DTD1: variants seen among roughly 807,000 people sequenced by gnomAD.
DTD1 encodes the protein D-tyrosyl-tRNA deacylase 1 homolog.
DTD1 carries 13 observed loss-of-function variants against 25.6 expected under a neutral mutation model. That is an observed-to-expected ratio of 0.51 (90% confidence interval 0.33 to 0.81). The LOEUF is 0.81. DTD1 is among the 30% of genes least tolerant of loss of function. The pLI, the probability that DTD1 is intolerant of heterozygous loss-of-function variation, is 0.02. For synonymous variants in DTD1, 110 were observed against 103.6 expected (o/e 1.06, Z -0.37); for missense variants, 193 against 266.4 (o/e 0.72, Z 1.92).
Position 18,763,503 on chromosome 20 carries a change from A to C in DTD1, c.*163A>C, listed in dbSNP as rs2061370645. On this transcript the variant is annotated 3_prime_UTR_variant, in exon 6 of 6. Transcript: ENST00000377452. ...TGAATAGCTCTGCAAAAAACACCAA[A>C]GGACCGTTTTATCGTTTTCTGTTGT... The C allele has an allele frequency of 1.3e-5, 2 of 152,718 alleles. No individual in the cohort carries two copies. The highest frequency in any genetic ancestry group is 6.5e-5 in the Admixed American group (1 of 15,284). The allele number at this position is 152,718 out of a possible 1,614,324, so 9.5% of individuals were successfully genotyped here. A position where few individuals can be genotyped will look rare whatever the true frequency, so the allele number is the denominator to read the frequency against.
chr20:18,712,011 G>T (rs182408284), intron 4 of DTD1, among the ~76,000 whole-genome samples: 208 of 151,852 alleles, frequency 1.4e-3, no homozygotes, highest in Admixed American at 5.3e-3. Flanking sequence ...GGAAGTGGTT[G>T]CAGTGAGCCA....
chr20:18,755,934 C>T (rs764388389), intron 5 of DTD1, among the ~76,000 whole-genome samples: 4 of 152,104 alleles, frequency 2.6e-5, no homozygotes, highest in Non-Finnish European at 4.4e-5. Context: ...CAGCCCCTGT[C>T]GTTTCCTGAC....
At position 18,700,354 on chromosome 20, in the gene DTD1, C is replaced by T. The variant is rs374522478; in HGVS notation, c.478-43746C>T. 9.5e-4 allele frequency among the ~76,000 whole-genome samples: 145 copies of T among 152,304 alleles called. 1 individual carries two copies. The highest frequency in any genetic ancestry group is 5.6e-3 in the East Asian group (29 of 5,194). Reference sequence around the variant, plus strand: ...TAGTGGCTCATCATTTGACTGTCTTCAGTAGCCTCTGTTGATGTTTTTAAA... The same window carrying T: ...TAGTGGCTCATCATTTGACTGTCTTTAGTAGCCTCTGTTGATGTTTTTAAA... On this transcript the variant is annotated intron_variant, in intron 4 of 5. Coordinates refer to ENST00000377452, the MANE Select transcript of DTD1 (RefSeq NM_080820.6).
At position 18,707,114 on chromosome 20, in the gene DTD1, C is replaced by T. The variant is rs578241256; in HGVS notation, c.478-36986C>T. 1.0e-3 allele frequency among the ~76,000 whole-genome samples: 159 copies of T among 152,340 alleles called. 1 individual carries two copies. The highest frequency in any genetic ancestry group is 3.4e-3 in the African/African-American group (142 of 41,574). ...CACTTTTCACCTGGATGTTCATCAC[C>T]TGTAAGCAGTTAACGTCTTTATAGT... On this transcript the variant is annotated intron_variant, in intron 4 of 5. Coordinates refer to ENST00000377452, the MANE Select transcript of DTD1 (RefSeq NM_080820.6).
intron 4 of DTD1, among the ~76,000 whole-genome samples, chr20:18,737,528 C>A (rs966363068): frequency 2.0e-4 from 30 of 152,212 alleles, no homozygotes; most frequent in Admixed American, 1.0e-3. Context: ...CTTCCCCTGC[C>A]TTGGGCTGCC....
intron 4 of DTD1, among the ~76,000 whole-genome samples, chr20:18,696,093 A>G (rs925243413): frequency 9.9e-5 from 15 of 152,220 alleles, no homozygotes; most frequent in African/African-American, 3.4e-4. Flanking sequence ...CTATTTGACC[A>G]TATTTTAATG....
chr20:18,711,389 C>T (rs923941259), intron 4 of DTD1, among the ~76,000 whole-genome samples: 2 of 152,216 alleles, frequency 1.3e-5, no homozygotes, highest in African/African-American at 2.4e-5. Flanking sequence ...CCCTCTCATA[C>T]TGTGACCTGT....
At chr20:18,758,597 A>T (rs2061348464) in intron 5 of DTD1, among the ~76,000 whole-genome samples, 1 of 152,190 alleles carries the variant, frequency 6.6e-6, no homozygotes, top group Non-Finnish European at 1.5e-5. Context: ...TGAGTTTCTG[A>T]ATCCTGAGTT....
At chr20:18,748,638 G>A (rs2061309936) in intron 5 of DTD1, among the ~76,000 whole-genome samples, 1 of 152,166 alleles carries the variant, frequency 6.6e-6, no homozygotes, top group South Asian at 2.1e-4. Context: ...GCTCATAGAA[G>A]GAGAACTGAG....
At chr20:18,611,861 G>C (rs1341739537) in intron 3 of DTD1, among the ~76,000 whole-genome samples, 1 of 151,856 alleles carries the variant, frequency 6.6e-6, no homozygotes, top group African/African-American at 2.4e-5. Context: ...TATTATTATT[G>C]TTATTATTTT....
intron 3 of DTD1, among the ~76,000 whole-genome samples, chr20:18,623,874 CTGTGTGTGTG>C (rs55984974): frequency 1.9e-4 from 28 of 143,624 alleles, no homozygotes; most frequent in Non-Finnish European, 3.7e-4. Context: ...ACAAGAAGAA[CTGTGTGTGTG>C]TGTGTGTGTG....
chr20:18,670,817 A>G (rs942440591), intron 4 of DTD1, among the ~76,000 whole-genome samples: 1 of 152,254 alleles, frequency 6.6e-6, no homozygotes, highest in African/African-American at 2.4e-5. Context: ...CTGTACATCC[A>G]GACAGTGAAA....
At position 18,691,448 on chromosome 20, in the gene DTD1, A is replaced by G. The variant is rs538206692; in HGVS notation, c.478-52652A>G. 9.8e-5 allele frequency among the ~76,000 whole-genome samples: 15 copies of G among 152,370 alleles called. No homozygotes were observed. The East Asian group carries it at 2.3e-3, about 23-fold the overall frequency. Reference sequence around the variant, plus strand: ...GCTCTGTAGCCATAAAAAGAACAAAATCATGTCCTTTGCAGCAACATGGAT... The same window carrying G: ...GCTCTGTAGCCATAAAAAGAACAAAGTCATGTCCTTTGCAGCAACATGGAT... On this transcript the variant is annotated intron_variant, in intron 4 of 5. Transcript: ENST00000377452.
intron 4 of DTD1, chr20:18,631,321 G>A (rs530428472): frequency 1.1e-5 from 11 of 984,826 alleles, no homozygotes; most frequent in African/African-American, 3.5e-5. Context: ...AGCATAAAAC[G>A]AAAGGTGGGG....
intron 4 of DTD1, among the ~76,000 whole-genome samples, chr20:18,699,143 C>G (rs2061091807): frequency 6.6e-6 from 1 of 152,192 alleles, no homozygotes; most frequent in Non-Finnish European, 1.5e-5. Flanking sequence ...GAGAGCCTGC[C>G]TTAGGGGCTC....
intron 1 of DTD1, chr20:18,588,934 C>G: frequency 1.1e-6 from 1 of 934,344 alleles, no homozygotes; most frequent in Non-Finnish European, 1.3e-6. Flanking sequence ...TTTATATTGT[C>G]TTTAGTCTTT....
intron 5 of DTD1, among the ~76,000 whole-genome samples, chr20:18,760,886 G>A (rs184399862): frequency 6.2e-4 from 95 of 152,318 alleles, no homozygotes; most frequent in Middle Eastern, 3.4e-3. Context: ...GCTCCACCCA[G>A]TTCGAGCTTC....
intron 3 of DTD1, among the ~76,000 whole-genome samples, chr20:18,619,399 C>T (rs1245312035): frequency 2.6e-5 from 4 of 152,032 alleles, no homozygotes; most frequent in African/African-American, 9.7e-5. Flanking sequence ...AGAAATTTGG[C>T]TATTTTTGCC....
intron 5 of DTD1, among the ~76,000 whole-genome samples, chr20:18,755,792 G>A (rs1411838038): frequency 6.6e-6 from 1 of 152,076 alleles, no homozygotes; most frequent in African/African-American, 2.4e-5. Context: ...ACCCAGTAAT[G>A]GGATGGCTGG....
Sources: allele counts gnomAD v4.1 joint callset (sites outside exome capture counted in the v4.1 genomes callset), GRCh38; gene constraint gnomAD v4.1.1; transcripts MANE v1.5; gene names NCBI Gene and HGNC (gene_info 2026-07-23, HGNC 2026-07-21).